Variants in ATP9B observed in about 807,000 individuals in gnomAD.
The protein encoded by ATP9B is ATPase phospholipid transporting 9B, also known as probable phospholipid-transporting ATPase IIB.
ATP9B carries 110 observed loss-of-function variants against 146.1 expected under a neutral mutation model. The observed-to-expected ratio is 0.75, with a 90% CI of 0.65 to 0.88. The LOEUF (loss-of-function observed/expected upper bound fraction) is 0.88. Among genes scored for constraint, ATP9B ranks in the 40% least tolerant of loss-of-function variants. The pLI is 0.00. For missense variants in ATP9B, 1,499 were observed against 1,496.4 expected, an observed-to-expected ratio of 1.00 and a Z score of -0.03; for synonymous variants, 604 against 569.7, an observed-to-expected ratio of 1.06 and a Z score of -0.86.
At chr18:79,375,284 GC>G in intron 28 of ATP9B, 109 bp from the exon 29 acceptor site, 1 of 979,042 alleles carries the variant, frequency 1.0e-6, no homozygotes, top group Non-Finnish European at 1.6e-6. Flanking sequence ...AGCTTGCACT[GC>G]CATTTTATTG....
chr18:79,336,773 T>C lies in ATP9B; in HGVS notation c.2112+62T>C, dbSNP rs970896138. 6 of 1,522,884 alleles carry C rather than the reference T, an allele frequency of 3.9e-6. No homozygotes were observed. The African/African-American group carries it at 5.5e-5, about 14-fold the overall frequency. 94.3% of individuals were successfully genotyped at this position (1,522,884 alleles called of 1,614,324 possible). On this transcript the variant is annotated intron_variant, in intron 18 of 29. Coordinates refer to ENST00000426216, the MANE Select transcript of ATP9B (RefSeq NM_198531.5). ...GTTTCCTTCCTTACGCTGAAATTAG[T>C]TCTTCCTGTCTTTGTATGAAATTAG...
rs76271898 is a variant in ATP9B, at chr18:79,098,026, T to G, written c.293+1377T>G. Among the ~76,000 whole-genome samples the G allele has an allele frequency of 1.6e-4, 24 of 152,198 alleles. No homozygotes were observed. The East Asian group carries it at 3.3e-3, about 21-fold the overall frequency. On this transcript the variant is annotated intron_variant, in intron 2 of 29. Coordinates refer to ENST00000426216, the MANE Select transcript of ATP9B (RefSeq NM_198531.5). ...ACAGTAACCAAAACAGCATGGTACT[T>G]GTACCAAAACAGAGATATAGATCAA...
chr18:79,377,265 C>T lies in ATP9B; in HGVS notation c.3326C>T (p.Thr1109Ile). ...GAFLDVAFIT[T>I]VTFLWKVSAI... is the part of the protein sequence containing the mutation. Reference sequence around the variant, plus strand: ...CCAACAGATGTTGCCTTTATCACCACCGTGACCTTCCTGTGGAAAGTGTCG... The same window carrying T: ...CCAACAGATGTTGCCTTTATCACCATCGTGACCTTCCTGTGGAAAGTGTCG... Residue 1109 changes from threonine (T) to isoleucine (I), a missense_variant, in exon 30 of 30, where the codon ACC becomes ATC. Physicochemically the swap from Thr to Ile is moderately conservative, Grantham distance 89. Transcript: ENST00000426216. 1 of 1,612,388 alleles carries T rather than the reference C, an allele frequency of 6.2e-7. No individual in the cohort carries two copies. The highest frequency in any genetic ancestry group is 8.5e-7 in the Non-Finnish European group (1 of 1,180,024).
chr18:79,143,959 G>C, intron 6 of ATP9B, 99 bp downstream of exon 6: 1 of 679,808 alleles, frequency 1.5e-6, no homozygotes, highest in South Asian at 3.0e-5. Context: ...ATTGAGACAT[G>C]TATTTTGAAT....
Position 79,320,592 on chromosome 18 carries a change from C to T in ATP9B, c.1774-8549C>T, listed in dbSNP as rs145772503. On this transcript the variant is annotated intron_variant, in intron 15 of 29. Coordinates refer to ENST00000426216, the MANE Select transcript of ATP9B (RefSeq NM_198531.5). ...GTGTCTGTTGTTGGAAGATAAACCC[C>T]AGTCTTGCTTGGACAGCTTGATTCT... is the stretch of plus-strand genomic sequence containing the variant. 3.2e-3 allele frequency among the ~76,000 whole-genome samples: 485 copies of T among 152,332 alleles called. 4 individuals are homozygous for T. The highest frequency in any genetic ancestry group is 0.024 in the Middle Eastern group (7 of 294).
At chr18:79,273,702 C>T (rs954554427) in intron 12 of ATP9B, among the ~76,000 whole-genome samples, 2 of 152,126 alleles carry the variant, frequency 1.3e-5, no homozygotes, top group African/African-American at 2.4e-5. Context: ...TAGCAAGCAT[C>T]GTGGTGCCTA....
At chr18:79,222,863 T>C (rs1374589406) in intron 11 of ATP9B, among the ~76,000 whole-genome samples, 1 of 152,200 alleles carries the variant, frequency 6.6e-6, no homozygotes, top group East Asian at 1.9e-4. Flanking sequence ...AAAGCCAGCC[T>C]CAGACATATT....
chr18:79,139,441 A>C (rs1369421951), intron 5 of ATP9B, among the ~76,000 whole-genome samples: 8 of 152,228 alleles, frequency 5.3e-5, no homozygotes, highest in Non-Finnish European at 8.8e-5. Flanking sequence ...GTGGCACGTC[A>C]GCTACTACAT....
rs145859951 is a variant in ATP9B, at chr18:79,303,662, T to C, written c.1470T>C (p.Tyr490=). The change falls in exon 14 of 30, where the codon TAT becomes TAC. Residue 490 remains tyrosine (Y), a synonymous_variant. Coordinates refer to ENST00000426216, the MANE Select transcript of ATP9B (RefSeq NM_198531.5). ...FKRLHLGTVS[Y]GADTMDEIQS... is the part of the protein sequence containing the mutation. ...GGCTGCACCTGGGCACCGTGTCCTATGGCGCCGACACGATGGATGAGATCC... is the reference window on the plus strand; with the variant it reads ...GGCTGCACCTGGGCACCGTGTCCTACGGCGCCGACACGATGGATGAGATCC... 6 of 1,613,980 alleles carry C rather than the reference T, an allele frequency of 3.7e-6. No homozygotes were observed. The highest frequency in any genetic ancestry group is 5.1e-6 in the Non-Finnish European group (6 of 1,180,012).
chr18:79,192,419 C>T (rs2095375770), intron 8 of ATP9B, among the ~76,000 whole-genome samples: 1 of 152,144 alleles, frequency 6.6e-6, no homozygotes, highest in Admixed American at 6.5e-5. Context: ...ATGATCCTCC[C>T]CCTGGCTGTG....
intron 4 of ATP9B, among the ~76,000 whole-genome samples, chr18:79,119,924 A>T (rs1164579694): frequency 6.6e-6 from 1 of 152,234 alleles, no homozygotes; most frequent in Non-Finnish European, 1.5e-5. Flanking sequence ...AGCTTTTAAA[A>T]ACGCTGAAAA....
chr18:79,324,828 T>A (rs1258692144), intron 15 of ATP9B, among the ~76,000 whole-genome samples: 1 of 152,282 alleles, frequency 6.6e-6, no homozygotes, highest in African/African-American at 2.4e-5. Context: ...CCTGAATTTA[T>A]AAATAGTTAA....
chr18:79,315,949 C>T (rs917551456), intron 15 of ATP9B, among the ~76,000 whole-genome samples: 6 of 152,198 alleles, frequency 3.9e-5, no homozygotes, highest in African/African-American at 9.7e-5. Context: ...AGATTTTTGA[C>T]AGCTCAGTAT....
chr18:79,288,124 C>CGA (rs1316205717), intron 13 of ATP9B, among the ~76,000 whole-genome samples: 2 of 151,560 alleles, frequency 1.3e-5, no homozygotes, highest in Non-Finnish European at 2.9e-5. Flanking sequence ...CTGTAGATGT[C>CGA]TATTAGGTCC....
chr18:79,179,725 G>A (rs1295593556), intron 8 of ATP9B, among the ~76,000 whole-genome samples: 1 of 152,000 alleles, frequency 6.6e-6, no homozygotes, highest in Non-Finnish European at 1.5e-5. Flanking sequence ...GAACTCTCTG[G>A]GTCAGTATTC....
chr18:79,277,183 G>T lies in ATP9B; in HGVS notation c.1398G>T (p.Leu466Phe). ...PEELGRLVYL[L>F]TDKTGTLTQN... ...AACTTGGGCGCCTGGTGTATTTATT[G>T]ACAGACAAAACAGGTACTGTTCGTG... Residue 466 changes from leucine (L) to phenylalanine (F), a missense_variant, in exon 13 of 30, where the codon TTG (leucine) becomes TTT (phenylalanine). Physicochemically the swap from Leu to Phe is conservative, Grantham distance 22 (BLOSUM62 0). Transcript: ENST00000426216. 4 of 1,614,210 alleles carry T rather than the reference G, an allele frequency of 2.5e-6. No individual in the cohort carries two copies. The highest frequency in any genetic ancestry group is 3.4e-6 in the Non-Finnish European group (4 of 1,180,036).
chr18:79,228,953 A>G lies in ATP9B; in HGVS notation c.1107+14915A>G, dbSNP rs547758096. 2.3e-3 allele frequency among the ~76,000 whole-genome samples: 346 copies of G among 152,202 alleles called. 1 individual carries two copies. The highest frequency in any genetic ancestry group is 8.2e-3 in the African/African-American group (342 of 41,532). Reference sequence around the variant, plus strand: ...AGGTGGGAGGATCATTTGATCTTCAACCAGGAGGTTGAGGCTGCAGTGAGC... The same window carrying G: ...AGGTGGGAGGATCATTTGATCTTCAGCCAGGAGGTTGAGGCTGCAGTGAGC... On this transcript the variant is annotated intron_variant, in intron 11 of 29. Coordinates refer to ENST00000426216, the MANE Select transcript of ATP9B (RefSeq NM_198531.5).
chr18:79,321,956 C>A (rs1489124564), intron 15 of ATP9B, among the ~76,000 whole-genome samples: 1 of 152,142 alleles, frequency 6.6e-6, no homozygotes, highest in Non-Finnish European at 1.5e-5. Flanking sequence ...GCCTCAGGAG[C>A]GTTGGCATAA....
intron 13 of ATP9B, among the ~76,000 whole-genome samples, chr18:79,280,954 T>G (rs1173866826): frequency 6.6e-6 from 1 of 152,188 alleles, no homozygotes; most frequent in East Asian, 1.9e-4. Flanking sequence ...TCAAAGCCCA[T>G]GAATGTACAA....
Sources: gnomAD v4.1 joint callset for allele counts (sites outside exome capture counted in the v4.1 genomes callset) on GRCh38, gnomAD v4.1.1 for gene constraint, MANE v1.5 for transcripts, NCBI Gene and HGNC (gene_info 2026-07-23, HGNC 2026-07-21) for gene names.